The following GNB4 variants were observed in gnomAD, a reference collection of about 807,000 sequenced individuals.
GNB4 encodes guanine nucleotide-binding protein subunit beta-4.
Under a neutral mutation model 45.2 loss-of-function variants are expected in GNB4, and 28 were observed. That is an observed-to-expected ratio of 0.62 (90% CI 0.46 to 0.85). The LOEUF is 0.85. Among genes scored for constraint, GNB4 ranks in the 40% least tolerant of loss-of-function variants. The probability of loss-of-function intolerance (pLI) is 0.00; values close to 1 mark genes in which losing one functional copy is unlikely to be tolerated. For missense variants in GNB4, 321 were observed against 425.4 expected (o/e 0.75, Z 2.16); for synonymous variants, 132 against 143.7 (o/e 0.92, Z 0.58).
At chr3:179,403,220 G>GT (rs1011605103) in intron 9 of GNB4, among the ~76,000 whole-genome samples, 12 of 151,946 alleles carry the variant, frequency 7.9e-5, no homozygotes, top group African/African-American at 2.9e-4. Flanking sequence ...AATGGTTTTA[G>GT]TGCCTCGCTC....
chr3:179,490,467 G>A, the GNB4 span, among the ~76,000 whole-genome samples: 1 of 152,128 alleles, frequency 6.6e-6, no homozygotes, highest in African/African-American at 2.4e-5. Flanking sequence ...ATTCATTAGG[G>A]GAGTTGGCTT....
chr3:179,406,485 G>A (rs764305437), intron 8 of GNB4, among the ~76,000 whole-genome samples: 1 of 152,134 alleles, frequency 6.6e-6, no homozygotes, highest in Non-Finnish European at 1.5e-5. Context: ...AGTGTCTATT[G>A]TGAAAAAGTG....
At chr3:179,430,092 AG>A (rs1715265330) in intron 1 of GNB4, among the ~76,000 whole-genome samples, 4 of 151,566 alleles carry the variant, frequency 2.6e-5, no homozygotes, top group Non-Finnish European at 5.9e-5. Context: ...ACAGACAGAC[AG>A]ACAGACAGAC....
At chr3:179,494,334 A>G in the GNB4 span, among the ~76,000 whole-genome samples, 2 of 151,790 alleles carry the variant, frequency 1.3e-5, no homozygotes, top group African/African-American at 2.4e-5. Flanking sequence ...AAGAGAAAGA[A>G]AAGAAAAAAG....
At chr3:179,436,715 T>C (rs1024348453) in intron 1 of GNB4, among the ~76,000 whole-genome samples, 1 of 152,170 alleles carries the variant, frequency 6.6e-6, no homozygotes. Context: ...TACAGCTGCA[T>C]GGGGCAAGTG....
Position 179,397,476 on chromosome 3 carries a change from G to C in GNB4, c.*3737C>G, listed in dbSNP as rs1331037100. ...GCACCTACATCCATTATTTCCAGGA[G>C]ACTAGTTTACTACTATCATGCAATC... On this transcript the variant is annotated 3_prime_UTR_variant, in exon 10 of 10. Coordinates refer to ENST00000232564, the MANE Select transcript of GNB4 (RefSeq NM_021629.4). 1 of 152,216 alleles carries C rather than the reference G, an allele frequency of 6.6e-6. No homozygotes were observed. The highest frequency in any genetic ancestry group is 1.5e-5 in the Non-Finnish European group (1 of 68,034). 9.4% of individuals were successfully genotyped at this position (152,216 alleles called of 1,614,324 possible). A position where few individuals can be genotyped will look rare whatever the true frequency, so the allele number is the denominator to read the frequency against.
chr3:179,481,052 C>T, the GNB4 span, among the ~76,000 whole-genome samples: 2 of 151,758 alleles, frequency 1.3e-5, no homozygotes, highest in African/African-American at 2.4e-5. Flanking sequence ...GGGGTTTCAC[C>T]GTGTTAGCCA....
chr3:179,399,846 C>T lies in GNB4; in HGVS notation c.*1367G>A, dbSNP rs1333584457. On this transcript the variant is annotated 3_prime_UTR_variant, in exon 10 of 10. Coordinates refer to ENST00000232564, the MANE Select transcript of GNB4 (RefSeq NM_021629.4). ...TTTACCATCAAGCAAGACTAACAAT[C>T]TTCTATTATCAGTCATTTAGACTTA... The T allele has an allele frequency of 6.6e-6, 1 of 152,200 alleles. No homozygotes were observed. Among genetic ancestry groups the T allele is most frequent in the East Asian group, 1.9e-4 (1 of 5,200 alleles). 9.4% of individuals were successfully genotyped at this position (152,200 alleles called of 1,614,324 possible). A position where few individuals can be genotyped will look rare whatever the true frequency, so the allele number is the denominator to read the frequency against.
chr3:179,416,633 G>T, intron 4 of GNB4, 77 bp from the exon 5 acceptor site: 1 of 770,274 alleles, frequency 1.3e-6, no homozygotes, highest in Non-Finnish European at 2.1e-6. Context: ...TTGCATTAAT[G>T]TAGAATAATT....
intron 1 of GNB4, chr3:179,437,794 C>CAGTG (rs1715496584): frequency 6.6e-6 from 1 of 151,630 alleles, no homozygotes; most frequent in Admixed American, 6.6e-5. Flanking sequence ...AGGCCAGGCG[C>CAGTG]AGTGGCTCAT....
the GNB4 span, among the ~76,000 whole-genome samples, chr3:179,494,635 C>T: frequency 1.7e-4 from 26 of 151,778 alleles, no homozygotes; most frequent in Admixed American, 5.2e-4. Context: ...AGGGGCCAGG[C>T]GCAGTGGCTC....
the GNB4 span, among the ~76,000 whole-genome samples, chr3:179,510,562 G>A: frequency 6.6e-6 from 1 of 151,506 alleles, no homozygotes; most frequent in African/African-American, 2.4e-5. Flanking sequence ...AGCAGAGGGG[G>A]GAAAAGATGC....
chr3:179,486,610 T>G, the GNB4 span, among the ~76,000 whole-genome samples: 1 of 152,152 alleles, frequency 6.6e-6, no homozygotes, highest in Non-Finnish European at 1.5e-5. Flanking sequence ...CAAGAGGAGC[T>G]CCTGGTGACA....
chr3:179,494,313 G>GGAAA, the GNB4 span, among the ~76,000 whole-genome samples: 1 of 150,792 alleles, frequency 6.6e-6, no homozygotes, highest in African/African-American at 2.4e-5. Flanking sequence ...AAGGAAGGAA[G>GGAAA]GAAAGAAAGA....
At chr3:179,429,777 C>T (rs552632754) in intron 1 of GNB4, among the ~76,000 whole-genome samples, 2 of 152,220 alleles carry the variant, frequency 1.3e-5, no homozygotes, top group Non-Finnish European at 2.9e-5. Flanking sequence ...AGTTCTACTA[C>T]AAATTCACAT....
Position 179,399,685 on chromosome 3 carries a change from T to C in GNB4, c.*1528A>G, listed in dbSNP as rs1381139667. The stretch of plus-strand genomic sequence containing the variant: ...TGCACATATTAGCACATTCACAACA[T>C]AAAAACAAAAATTTAGAGGTAAAGT... On this transcript the variant is annotated 3_prime_UTR_variant, in exon 10 of 10. Transcript: ENST00000232564. The C allele has an allele frequency of 2.0e-5, 3 of 152,144 alleles. No homozygotes were observed. Among genetic ancestry groups the C allele is most frequent in the African/African-American group, 7.2e-5 (3 of 41,422 alleles). 9.4% of individuals were successfully genotyped at this position (152,144 alleles called of 1,614,324 possible).
At chr3:179,500,800 T>A in the GNB4 span, among the ~76,000 whole-genome samples, 1 of 152,342 alleles carries the variant, frequency 6.6e-6, no homozygotes, top group South Asian at 2.1e-4. Context: ...GTCCTTCACA[T>A]CCCTTGTAAG....
At chr3:179,435,711 A>C (rs1286100673) in intron 1 of GNB4, among the ~76,000 whole-genome samples, 1 of 152,234 alleles carries the variant, frequency 6.6e-6, no homozygotes, top group African/African-American at 2.4e-5. Flanking sequence ...TATTTGGTTC[A>C]TTTAACACAT....
the GNB4 span, among the ~76,000 whole-genome samples, chr3:179,499,227 A>G: frequency 5.7e-5 from 8 of 139,592 alleles, no homozygotes; most frequent in Non-Finnish European, 3.0e-5. Context: ...GCGCGATCTC[A>G]GCTCACTGCA....
Sources: gnomAD v4.1 joint callset for allele counts (sites outside exome capture counted in the v4.1 genomes callset) on GRCh38, gnomAD v4.1.1 for gene constraint, MANE v1.5 for transcripts, NCBI Gene and HGNC (gene_info 2026-07-23, HGNC 2026-07-21) for gene names.